Variants in RAF1 observed in about 807,000 individuals in gnomAD.
RAF1 encodes RAF proto-oncogene serine/threonine-protein kinase.
In RAF1, 27 loss-of-function variants were observed where a neutral mutation model predicts 81.1. The ratio of observed to expected loss-of-function variants is 0.33; its 90% confidence interval spans 0.25 to 0.46. The LOEUF (loss-of-function observed/expected upper bound fraction) is 0.46, where lower values mean the gene tolerates loss of function less well. RAF1 is among the 20% of genes least tolerant of loss of function. The probability of loss-of-function intolerance (pLI) is 1.00; values close to 1 mark genes in which losing one functional copy is unlikely to be tolerated. For synonymous variants in RAF1, 298 were observed against 294.0 expected (o/e 1.01, Z -0.14); for missense variants, 598 against 826.0 (o/e 0.72, Z 3.38).
chr3:12,629,421 A>C (rs746062646), intron 1 of RAF1, among the ~76,000 whole-genome samples: 17 of 152,244 alleles, frequency 1.1e-4, no homozygotes, highest in Non-Finnish European at 1.9e-4. Context: ...AGCAGCAGCA[A>C]CAATAATGAT....
At position 12,618,623 on chromosome 3, in the gene RAF1, A is replaced by C. The variant is rs1245175914; in HGVS notation, c.99T>G (p.Val33=). ...CCCGGCGCTGATAGCCAAACTGCTG[A>C]ACTATTGTAGGAGAGATGCAGCTGG... The change falls in exon 2 of 18, where the codon GTT becomes GTG. Residue 33 remains valine (V), a synonymous_variant. Coordinates refer to ENST00000442415, the MANE Select transcript of RAF1 (RefSeq NM_001354689.3). 6.2e-7 allele frequency: 1 copy of C among 1,614,080 alleles called. No individual in the cohort carries two copies.
At chr3:12,617,139 G>C (rs1008878240) in intron 2 of RAF1, among the ~76,000 whole-genome samples, 21 of 151,650 alleles carry the variant, frequency 1.4e-4, no homozygotes, top group African/African-American at 5.1e-4. Flanking sequence ...TTTTAATATA[G>C]TCTCACCCTT....
At chr3:12,606,938 G>A (rs2059052752) in intron 5 of RAF1, among the ~76,000 whole-genome samples, 1 of 152,152 alleles carries the variant, frequency 6.6e-6, no homozygotes. Context: ...TGATTCACCT[G>A]CCTTGGCCTC....
chr3:12,617,465 C>T (rs1472619393), intron 2 of RAF1, among the ~76,000 whole-genome samples: 6 of 152,116 alleles, frequency 3.9e-5, no homozygotes, highest in Admixed American at 1.3e-4. Flanking sequence ...CGTTGCCCGA[C>T]TGGTCTCGAA....
At position 12,648,946 on chromosome 3, in the gene RAF1, C is replaced by G. The variant is rs1000936457; in HGVS notation, c.-27+14867G>C. Among the ~76,000 whole-genome samples, 166 of 152,204 alleles carry G rather than the reference C, an allele frequency of 1.1e-3. 2 individuals are homozygous for G. Among genetic ancestry groups the G allele is most frequent in the Admixed American group, 2.2e-3 (34 of 15,276 alleles). ...CCTGACCAACATGGAGAAACCCAGTCTCTACTAAAAATACAAAATTACCCA... is the reference window on the plus strand; with the variant it reads ...CCTGACCAACATGGAGAAACCCAGTGTCTACTAAAAATACAAAATTACCCA... On this transcript the variant is annotated intron_variant, in intron 1 of 17. Transcript: ENST00000442415.
rs2059454224 is a variant in RAF1 at position 12,618,711 on chromosome 3, A to G, written c.11T>C (p.Ile4Thr). Residue 4 changes from isoleucine to threonine, a missense_variant, in exon 2 of 18, where the codon ATA (isoleucine) becomes ACA (threonine). Ile to Thr is a moderately conservative substitution (Grantham distance 89). This residue lies in a region of RAF1 where 83 missense variants were observed against 72.3 expected (regional missense o/e 1.15). Coordinates refer to ENST00000442415, the MANE Select transcript of RAF1 (RefSeq NM_001354689.3). The stretch of plus-strand genomic sequence containing the variant: ...GCTGATCGTCTTCCAAGCTCCCTGT[A>G]TGTGCTCCATTGATGCAGCTTAAAC... 6.2e-7 allele frequency: 1 copy of G among 1,614,170 alleles called. No homozygotes were observed. The highest frequency in any genetic ancestry group is 8.5e-7 in the Non-Finnish European group (1 of 1,180,030).
chr3:12,585,734 G>A lies in RAF1; in HGVS notation c.1543C>T (p.Arg515Cys), dbSNP rs941573221. Residue 515 changes from arginine to cysteine, a missense_variant, in exon 15 of 18, where the codon CGC becomes TGC. Arg to Cys is a radical substitution (Grantham distance 180). This residue lies in a region of RAF1 where 147 missense variants were observed against 196.1 expected (regional missense o/e 0.75). Coordinates refer to ENST00000442415, the MANE Select transcript of RAF1 (RefSeq NM_001354689.3). ...TCAACCTGCTGAGAACCACTCCAGC[G>A]TGACTTTACTGTTGCCAAACCAAAA... 4 of 1,614,176 alleles carry A rather than the reference G, an allele frequency of 2.5e-6. No individual in the cohort carries two copies. Among genetic ancestry groups the A allele is most frequent in the East Asian group, 2.2e-5 (1 of 44,888 alleles).
chr3:12,601,854 C>T (rs1015290119), intron 8 of RAF1, among the ~76,000 whole-genome samples: 6 of 152,090 alleles, frequency 3.9e-5, no homozygotes, highest in African/African-American at 1.4e-4. Flanking sequence ...CCCCGACCCA[C>T]GATTGACTGA....
At chr3:12,595,344 TTA>T (rs2058653077) in intron 11 of RAF1, among the ~76,000 whole-genome samples, 1 of 152,234 alleles carries the variant, frequency 6.6e-6, no homozygotes, top group East Asian at 1.9e-4. Context: ...AGTGTTGGGG[TTA>T]TAGATGTGGG....
intron 1 of RAF1, among the ~76,000 whole-genome samples, chr3:12,636,309 TG>T (rs1443863651): frequency 6.7e-6 from 1 of 148,328 alleles, no homozygotes; most frequent in East Asian, 2.0e-4. Flanking sequence ...AAAAAACAGC[TG>T]GGTTTGGTGG....
intron 8 of RAF1, 61 bp from the exon 8 acceptor site, chr3:12,600,476 G>GA (rs2058828966): frequency 1.9e-6 from 3 of 1,563,938 alleles, no homozygotes; most frequent in Non-Finnish European, 2.6e-6. Context: ...CTGGGGGAGG[G>GA]AAAAAAGAGG....
chr3:12,651,753 T>C (rs1158949528), intron 1 of RAF1, among the ~76,000 whole-genome samples: 2 of 151,684 alleles, frequency 1.3e-5, no homozygotes, highest in Admixed American at 6.6e-5. Context: ...CTCATGCCTG[T>C]AATCTCAGCA....
intron 2 of RAF1, among the ~76,000 whole-genome samples, chr3:12,613,410 C>A (rs951571716): frequency 1.3e-5 from 2 of 151,326 alleles, no homozygotes; most frequent in Non-Finnish European, 1.5e-5. Context: ...ACCGCTCCCC[C>A]ACCCCGCCAT....
At chr3:12,599,651 C>A (rs2058794750) in intron 11 of RAF1, 40 bp downstream of exon 10, 1 of 1,535,180 alleles carries the variant, frequency 6.5e-7, no homozygotes, top group Non-Finnish European at 9.0e-7. Flanking sequence ...GACTTCACAC[C>A]AAAGCCCTGC....
At position 12,583,890 on chromosome 3, in the gene RAF1, T is replaced by C. The variant is rs936767642; in HGVS notation, c.*624A>G. ...CTCCCTGAGAGGGCTGAGATGCGGA[T>C]TGGCCGAGTGCCTTGCCTGGAAAAC... On this transcript the variant is annotated 3_prime_UTR_variant, in exon 18 of 18. Coordinates refer to ENST00000442415, the MANE Select transcript of RAF1 (RefSeq NM_001354689.3). 7 of 234,954 alleles carry C rather than the reference T, an allele frequency of 3.0e-5. No individual in the cohort carries two copies. Among genetic ancestry groups the C allele is most frequent in the Non-Finnish European group, 5.0e-5 (6 of 118,980 alleles). The allele number at this position is 234,954 out of a possible 1,614,324, so 14.6% of individuals were successfully genotyped here. A position where few individuals can be genotyped will look rare whatever the true frequency, so the allele number is the denominator to read the frequency against.
At chr3:12,631,636 GT>G (rs1315562826) in intron 1 of RAF1, among the ~76,000 whole-genome samples, 2 of 152,206 alleles carry the variant, frequency 1.3e-5, no homozygotes, top group African/African-American at 4.8e-5. Context: ...GTTCAGTAGT[GT>G]TTGTAAAGCA....
intron 1 of RAF1, among the ~76,000 whole-genome samples, chr3:12,636,115 G>A (rs6788570): frequency 0.41 from 61,898 of 151,332 alleles, 13,792 homozygotes; most frequent in East Asian, 0.89. Context: ...GTGAAACCCC[G>A]TCTCTACCAA....
At chr3:12,586,416 A>AAAAG (rs1380326500) in intron 14 of RAF1, among the ~76,000 whole-genome samples, 1 of 152,210 alleles carries the variant, frequency 6.6e-6, no homozygotes, top group African/African-American at 2.4e-5. Flanking sequence ...AAAAAATTAA[A>AAAAG]AAAGAACAAA....
chr3:12,628,498 C>A (rs2059772004), intron 1 of RAF1, among the ~76,000 whole-genome samples: 2 of 151,790 alleles, frequency 1.3e-5, no homozygotes, highest in Non-Finnish European at 1.5e-5. Context: ...ACCTACTCTA[C>A]AAAAAAAAGT....
Sources: gnomAD v4.1 joint callset for allele counts (sites outside exome capture counted in the v4.1 genomes callset) on GRCh38, gnomAD v4.1.1 for gene constraint, gnomAD v4.1.1 regional missense constraint, MANE v1.5 for transcripts, NCBI Gene and HGNC (gene_info 2026-07-23, HGNC 2026-07-21) for gene names.